Variants in PCDH9 observed in about 807,000 individuals in gnomAD.
The protein encoded by PCDH9 is protocadherin-9.
A neutral mutation model predicts 70.6 loss-of-function variants in PCDH9; 24 were observed. The ratio of observed to expected loss-of-function variants is 0.34; its 90% CI spans 0.25 to 0.48. PCDH9 has a LOEUF of 0.48. PCDH9 is among the 20% of genes least tolerant of loss of function. The pLI is 0.99. For missense variants in PCDH9, 1,281 were observed against 1,503.6 expected, an observed-to-expected ratio of 0.85 and a Z score of 2.45; for synonymous variants, 562 against 558.5, an observed-to-expected ratio of 1.01 and a Z score of -0.09.
At chr13:67,177,901 A>G (rs2088507729) in intron 2 of PCDH9, among the ~76,000 whole-genome samples, 1 of 151,986 alleles carries the variant, frequency 6.6e-6, no homozygotes, top group South Asian at 2.1e-4. Context: ...AATTTTTTTC[A>G]AAATGTCCAA....
chr13:66,914,430 G>A (rs1324247197), intron 2 of PCDH9: 1 of 151,698 alleles, frequency 6.6e-6, no homozygotes, highest in Non-Finnish European at 1.5e-5. Context: ...AAGACTCTGT[G>A]GAATACGAAC....
At chr13:66,679,115 T>C in intron 3 of PCDH9, among the ~76,000 whole-genome samples, 1 of 151,752 alleles carries the variant, frequency 6.6e-6, no homozygotes, top group Non-Finnish European at 1.5e-5. Context: ...TTGAGCTTTT[T>C]CGGTATTTTC....
At chr13:66,576,541 C>T (rs1398176053) in intron 4 of PCDH9, among the ~76,000 whole-genome samples, 1 of 152,054 alleles carries the variant, frequency 6.6e-6, no homozygotes, top group Non-Finnish European at 1.5e-5. Context: ...CTAGCCAATG[C>T]TTCTTTTTTA....
chr13:67,167,124 G>C (rs546496950), intron 2 of PCDH9, among the ~76,000 whole-genome samples: 41 of 152,196 alleles, frequency 2.7e-4, no homozygotes, highest in African/African-American at 9.6e-4. Flanking sequence ...TACATTATTT[G>C]ATTTTTTAAA....
At chr13:66,780,673 AG>A (rs1456307368) in intron 3 of PCDH9, among the ~76,000 whole-genome samples, 7 of 152,094 alleles carry the variant, frequency 4.6e-5, no homozygotes, top group Non-Finnish European at 1.0e-4. Context: ...GATACTTATG[AG>A]TTTCAGTGCA....
chr13:67,010,594 C>T (rs936851354), intron 2 of PCDH9, among the ~76,000 whole-genome samples: 25 of 151,880 alleles, frequency 1.6e-4, no homozygotes, highest in Admixed American at 6.6e-5. Context: ...TCCTATTAGT[C>T]CTAGGATCTT....
At chr13:66,963,348 C>G (rs2083379885) in intron 2 of PCDH9, among the ~76,000 whole-genome samples, 1 of 152,152 alleles carries the variant, frequency 6.6e-6, no homozygotes, top group Non-Finnish European at 1.5e-5. Flanking sequence ...GATTATTGTA[C>G]TATGAAGAGA....
At chr13:67,038,534 G>A (rs2085052044) in intron 2 of PCDH9, among the ~76,000 whole-genome samples, 1 of 152,080 alleles carries the variant, frequency 6.6e-6, no homozygotes, top group Non-Finnish European at 1.5e-5. Flanking sequence ...TGATACTATA[G>A]CAAGCTGCCT....
chr13:66,992,036 C>G (rs2084013572), intron 2 of PCDH9, among the ~76,000 whole-genome samples: 1 of 151,796 alleles, frequency 6.6e-6, no homozygotes, highest in Non-Finnish European at 1.5e-5. Context: ...ATGTTTTTGT[C>G]TAATGTTACA....
At chr13:66,566,007 G>C (rs1354621489) in intron 4 of PCDH9, among the ~76,000 whole-genome samples, 1 of 152,178 alleles carries the variant, frequency 6.6e-6, no homozygotes, top group African/African-American at 2.4e-5. Flanking sequence ...CCAGCAAGGA[G>C]GAGGGAGTGA....
At chr13:66,592,808 A>G (rs2077054355) in intron 4 of PCDH9, among the ~76,000 whole-genome samples, 1 of 151,796 alleles carries the variant, frequency 6.6e-6, no homozygotes, top group Admixed American at 6.6e-5. Context: ...AGTTATAACA[A>G]TAGTTGTTTC....
At chr13:66,571,500 C>A (rs1383591352) in intron 4 of PCDH9, among the ~76,000 whole-genome samples, 4 of 151,858 alleles carry the variant, frequency 2.6e-5, no homozygotes, top group South Asian at 2.1e-4. Context: ...CTAAAAATAG[C>A]ACCTAAATGG....
chr13:66,374,692 A>G (rs1956718384), intron 4 of PCDH9, among the ~76,000 whole-genome samples: 1 of 151,970 alleles, frequency 6.6e-6, no homozygotes, highest in Non-Finnish European at 1.5e-5. Context: ...ACTCCATCAA[A>G]CTTCCACCTC....
chr13:66,846,106 C>A (rs1025118881), intron 3 of PCDH9, among the ~76,000 whole-genome samples: 1 of 116,068 alleles, frequency 8.6e-6, no homozygotes. Flanking sequence ...GATGTAAACA[C>A]ACATAGATAA....
chr13:67,142,405 C>G (rs1003019371), intron 2 of PCDH9, among the ~76,000 whole-genome samples: 1 of 152,082 alleles, frequency 6.6e-6, no homozygotes, highest in Admixed American at 6.5e-5. Context: ...CCAATTAGGA[C>G]TTATAATTTA....
chr13:66,715,605 A>C (rs1265271279), intron 3 of PCDH9, among the ~76,000 whole-genome samples: 1 of 152,200 alleles, frequency 6.6e-6, no homozygotes, highest in Non-Finnish European at 1.5e-5. Context: ...CAGATGATAC[A>C]CATATATAAT....
intron 2 of PCDH9, chr13:67,203,056 A>AT (rs1357685607): frequency 2.0e-5 from 3 of 152,152 alleles, no homozygotes; most frequent in African/African-American, 7.2e-5. Flanking sequence ...CAAAGCAGTA[A>AT]TTCCTTTAAC....
intron 2 of PCDH9, among the ~76,000 whole-genome samples, chr13:67,117,444 T>A (rs1021661481): frequency 5.9e-5 from 9 of 152,128 alleles, no homozygotes; most frequent in Non-Finnish European, 1.3e-4. Context: ...CCAGCTTTGT[T>A]CTTGGGGGAG....
intron 4 of PCDH9, among the ~76,000 whole-genome samples, chr13:66,368,529 A>G (rs917974961): frequency 5.3e-5 from 8 of 151,896 alleles, no homozygotes; most frequent in Non-Finnish European, 1.0e-4. Context: ...AAATATTATG[A>G]ATTTACATTC....
Sources: gnomAD v4.1 joint callset for allele counts (sites outside exome capture counted in the v4.1 genomes callset) on GRCh38, gnomAD v4.1.1 for gene constraint, MANE v1.5 for transcripts, NCBI Gene and HGNC (gene_info 2026-07-23, HGNC 2026-07-21) for gene names.